The following CRPPA variants were observed in gnomAD, a reference collection of about 807,000 sequenced individuals.
CRPPA encodes the protein CDP-L-ribitol pyrophosphorylase A, also known as D-ribitol-5-phosphate cytidylyltransferase.
CRPPA carries 43 observed loss-of-function variants against 52.0 expected under a neutral mutation model. The observed-to-expected ratio is 0.83, with a 90% CI of 0.65 to 1.07. The LOEUF is 1.07. Ranked by LOEUF, CRPPA falls within the 50% of genes least tolerant of loss-of-function variation. CRPPA has a pLI of 0.00. For missense variants in CRPPA, 629 were observed against 551.7 expected, an observed-to-expected ratio of 1.14 and a Z score of -1.40; for synonymous variants, 250 against 203.5, an observed-to-expected ratio of 1.23 and a Z score of -1.94.
At chr7:16,202,752 G>T (rs1319940122) in intron 9 of CRPPA, among the ~76,000 whole-genome samples, 2 of 152,194 alleles carry the variant, frequency 1.3e-5, no homozygotes, top group Non-Finnish European at 2.9e-5. Flanking sequence ...CCAAAGCTAA[G>T]CATTATGATG....
chr7:16,345,070 A>G (rs1225634177), intron 3 of CRPPA, among the ~76,000 whole-genome samples: 1 of 152,178 alleles, frequency 6.6e-6, no homozygotes, highest in East Asian at 1.9e-4. Context: ...CAAACCATCA[A>G]AAGCCAAAGG....
chr7:16,160,953 GCTCT>G (rs1253230790), intron 9 of CRPPA, among the ~76,000 whole-genome samples: 7 of 152,086 alleles, frequency 4.6e-5, no homozygotes, highest in East Asian at 1.9e-4. Context: ...TCATGTTTTG[GCTCT>G]CTATTTGTCT....
chr7:16,209,003 C>T, intron 9 of CRPPA: 1 of 424,322 alleles, frequency 2.4e-6, no homozygotes, highest in Non-Finnish European at 4.7e-6. Context: ...AAGCACCAAC[C>T]CCATGAAGTG....
At chr7:16,369,189 C>T (rs1308150518) in intron 3 of CRPPA, among the ~76,000 whole-genome samples, 6 of 152,086 alleles carry the variant, frequency 3.9e-5, no homozygotes, top group Non-Finnish European at 5.9e-5. Flanking sequence ...CTGAGCTCCC[C>T]GAGTGCACAA....
chr7:16,379,981 T>G (rs1787030958), intron 2 of CRPPA, among the ~76,000 whole-genome samples: 1 of 151,976 alleles, frequency 6.6e-6, no homozygotes, highest in South Asian at 2.1e-4. Flanking sequence ...TACCCTTTAT[T>G]TCCTTCTCCT....
At chr7:16,098,840 G>A (rs558419886) in intron 9 of CRPPA, among the ~76,000 whole-genome samples, 1 of 152,124 alleles carries the variant, frequency 6.6e-6, no homozygotes. Context: ...AGGAAAAAGC[G>A]ATCACCTACT....
In CRPPA at chr7:16,089,633, GTATT is replaced by G; in HGVS notation, c.*2058_*2061del. 2 of 199,656 alleles carry G rather than the reference GTATT, an allele frequency of 1.0e-5. No homozygotes were observed. The highest frequency in any genetic ancestry group is 1.3e-4 in the South Asian group (2 of 15,132). 12.4% of individuals were successfully genotyped at this position (199,656 alleles called of 1,614,324 possible). ...TATACATACATGTATATGTATGTAT[GTATT>G]TTTTTTTCCCAATGCTGTGAATTGC... On this transcript the variant is annotated 3_prime_UTR_variant, in exon 10 of 10. Coordinates refer to ENST00000407010, the MANE Select transcript of CRPPA (RefSeq NM_001101426.4).
intron 9 of CRPPA, among the ~76,000 whole-genome samples, chr7:16,096,933 A>G (rs879270510): frequency 1.2e-4 from 18 of 152,196 alleles, no homozygotes; most frequent in African/African-American, 3.6e-4. Context: ...CTGCTTTGCT[A>G]TATTTTCAAA....
chr7:16,381,178 C>G (rs1254281916), intron 2 of CRPPA, among the ~76,000 whole-genome samples: 1 of 152,190 alleles, frequency 6.6e-6, no homozygotes, highest in Non-Finnish European at 1.5e-5. Flanking sequence ...CCCACAGATT[C>G]CGGTATGTTG....
intron 3 of CRPPA, among the ~76,000 whole-genome samples, chr7:16,309,215 T>G (rs1028307898): frequency 3.9e-5 from 6 of 152,222 alleles, no homozygotes; most frequent in African/African-American, 1.2e-4. Flanking sequence ...TTTGGCATTT[T>G]AAGCAGAGCC....
chr7:16,359,046 C>T (rs896437558), intron 3 of CRPPA, among the ~76,000 whole-genome samples: 23 of 152,136 alleles, frequency 1.5e-4, no homozygotes, highest in African/African-American at 5.1e-4. Flanking sequence ...TATTTCAGAC[C>T]TGACTAATTT....
chr7:16,295,183 A>G (rs1437974549), intron 5 of CRPPA, among the ~76,000 whole-genome samples: 1 of 152,124 alleles, frequency 6.6e-6, no homozygotes, highest in Non-Finnish European at 1.5e-5. Flanking sequence ...AACAAATAAA[A>G]TATGGCATGA....
intron 5 of CRPPA, among the ~76,000 whole-genome samples, chr7:16,296,164 G>A (rs1784671228): frequency 1.3e-5 from 2 of 152,046 alleles, no homozygotes; most frequent in African/African-American, 4.8e-5. Flanking sequence ...TAAACACACT[G>A]ATGCTAAAAT....
At chr7:16,262,962 T>A (rs1330650486) in intron 6 of CRPPA, among the ~76,000 whole-genome samples, 1 of 152,172 alleles carries the variant, frequency 6.6e-6, no homozygotes, top group Admixed American at 6.5e-5. Context: ...TTTAAAGCAA[T>A]GGAGAAGGAA....
chr7:16,246,446 T>C (rs115011307), intron 8 of CRPPA, among the ~76,000 whole-genome samples: 1,838 of 152,292 alleles, frequency 0.012, 36 homozygotes, highest in African/African-American at 0.042. Context: ...GAATCACGAA[T>C]GTTCCTAACG....
chr7:16,118,260 T>C (rs1475514372), intron 9 of CRPPA, among the ~76,000 whole-genome samples: 1 of 152,160 alleles, frequency 6.6e-6, no homozygotes, highest in Non-Finnish European at 1.5e-5. Context: ...TGGAAGGTGG[T>C]GGTCTTACCA....
chr7:16,102,676 A>T (rs895833742), intron 9 of CRPPA, among the ~76,000 whole-genome samples: 5 of 152,246 alleles, frequency 3.3e-5, no homozygotes, highest in Admixed American at 6.5e-5. Context: ...TCAACAGAAG[A>T]CATTTACGTG....
chr7:16,384,670 C>G (rs144315242), intron 2 of CRPPA, among the ~76,000 whole-genome samples: 1 of 152,280 alleles, frequency 6.6e-6, no homozygotes, highest in Non-Finnish European at 1.5e-5. Flanking sequence ...ACTCAAGTGT[C>G]CACCCTCTGA....
chr7:16,210,062 T>A (rs1332567803), intron 9 of CRPPA, among the ~76,000 whole-genome samples: 1 of 152,184 alleles, frequency 6.6e-6, no homozygotes, highest in African/African-American at 2.4e-5. Flanking sequence ...TTACAGATAA[T>A]GTAAAAATAA....
Sources: gnomAD v4.1 joint callset for allele counts (sites outside exome capture counted in the v4.1 genomes callset) on GRCh38, gnomAD v4.1.1 for gene constraint, MANE v1.5 for transcripts, NCBI Gene and HGNC (gene_info 2026-07-23, HGNC 2026-07-21) for gene names.